The following NALF1 variants were observed in gnomAD, a reference collection of about 807,000 sequenced individuals.
The protein encoded by NALF1 is family with sequence similarity 155 member A.
A neutral mutation model predicts 48.4 loss-of-function variants in NALF1; 3 were observed. The ratio of observed to expected loss-of-function variants is 0.06; its 90% confidence interval spans 0.03 to 0.16. The LOEUF (loss-of-function observed/expected upper bound fraction) is 0.16. Among genes scored for constraint, NALF1 ranks in the 10% least tolerant of loss-of-function variants. The pLI, the probability that NALF1 is intolerant of heterozygous loss-of-function variation, is 1.00. For synonymous variants in NALF1, 262 were observed against 245.7 expected (o/e 1.07, Z -0.62); for missense variants, 526 against 571.5 (o/e 0.92, Z 0.81).
At chr13:107,694,840 T>G (rs1007877893) in intron 1 of NALF1, among the ~76,000 whole-genome samples, 1 of 151,952 alleles carries the variant, frequency 6.6e-6, no homozygotes. Flanking sequence ...TTGCCCAGGC[T>G]AGAATGCTGT....
chr13:107,413,636 T>G (rs1179428351), intron 1 of NALF1, among the ~76,000 whole-genome samples: 1 of 152,174 alleles, frequency 6.6e-6, no homozygotes, highest in Non-Finnish European at 1.5e-5. Context: ...TAATAATGTT[T>G]CCATTTGAGC....
At chr13:107,752,057 A>T (rs1470448756) in intron 1 of NALF1, among the ~76,000 whole-genome samples, 2 of 152,068 alleles carry the variant, frequency 1.3e-5, no homozygotes, top group Non-Finnish European at 2.9e-5. Context: ...GAATGATTGC[A>T]TCATTTTTAT....
At chr13:107,627,250 T>C (rs1879697785) in intron 1 of NALF1, among the ~76,000 whole-genome samples, 1 of 152,138 alleles carries the variant, frequency 6.6e-6, no homozygotes, top group African/African-American at 2.4e-5. Flanking sequence ...GAGTGTGATT[T>C]TGAAAAGAAA....
intron 1 of NALF1, among the ~76,000 whole-genome samples, chr13:107,858,866 T>G (rs1880500393): frequency 6.6e-6 from 1 of 152,230 alleles, no homozygotes. Flanking sequence ...TACCTGCTAT[T>G]AAAGATTGCT....
At chr13:107,569,046 T>C (rs1877900542) in intron 1 of NALF1, among the ~76,000 whole-genome samples, 1 of 152,222 alleles carries the variant, frequency 6.6e-6, no homozygotes. Flanking sequence ...CTAAAAGTTT[T>C]ATAGTTTTAT....
chr13:107,290,720 C>T (rs1881604340), intron 1 of NALF1, among the ~76,000 whole-genome samples: 1 of 152,130 alleles, frequency 6.6e-6, no homozygotes, highest in South Asian at 2.1e-4. Context: ...AGATGTATTT[C>T]TTGTATCATT....
chr13:107,594,466 A>G (rs1878687846), intron 1 of NALF1, among the ~76,000 whole-genome samples: 1 of 151,608 alleles, frequency 6.6e-6, no homozygotes, highest in African/African-American at 2.4e-5. Context: ...CTTTCCCCCA[A>G]TCCCCTGTGT....
rs532541220 is a variant in NALF1, at chr13:107,775,301, C to T, written c.915+90381G>A. On this transcript the variant is annotated intron_variant, in intron 1 of 2. Transcript: ENST00000375915. Reference sequence around the variant, plus strand: ...ATTCCCACCTATGAGTGAGAATATGCGGTGTTTGGTTTTTTGTTCTTGCGA... The same window carrying T: ...ATTCCCACCTATGAGTGAGAATATGTGGTGTTTGGTTTTTTGTTCTTGCGA... Among the ~76,000 whole-genome samples, 270 of 146,254 alleles carry T rather than the reference C, an allele frequency of 1.8e-3. 1 individual carries two copies. Among genetic ancestry groups the T allele is most frequent in the Middle Eastern group, 0.011 (3 of 280 alleles).
chr13:107,699,588 C>T (rs1297742629), intron 1 of NALF1, among the ~76,000 whole-genome samples: 2 of 151,958 alleles, frequency 1.3e-5, no homozygotes, highest in Admixed American at 6.6e-5. Context: ...AAGAAATATT[C>T]GGAAAATCTT....
At chr13:107,557,965 G>C (rs562384238) in intron 1 of NALF1, among the ~76,000 whole-genome samples, 1 of 152,136 alleles carries the variant, frequency 6.6e-6, no homozygotes, top group South Asian at 2.1e-4. Context: ...CTTGTGGGAT[G>C]TGTCACTGTT....
At chr13:107,758,694 C>T (rs1566471021) in intron 1 of NALF1, among the ~76,000 whole-genome samples, 1 of 151,926 alleles carries the variant, frequency 6.6e-6, no homozygotes, top group East Asian at 1.9e-4. Flanking sequence ...GCACTCCAGG[C>T]TGGTGACAGA....
chr13:107,332,842 GT>G (rs1218314761), intron 1 of NALF1, among the ~76,000 whole-genome samples: 3 of 151,866 alleles, frequency 2.0e-5, no homozygotes, highest in Non-Finnish European at 4.4e-5. Flanking sequence ...GTTTGTTTTT[GT>G]TTTTGTTTTT....
intron 1 of NALF1, among the ~76,000 whole-genome samples, chr13:107,473,121 T>C (rs908977528): frequency 1.6e-4 from 25 of 152,246 alleles, no homozygotes; most frequent in African/African-American, 5.3e-4. Context: ...TTGTGTTTAC[T>C]TTCACCTTAC....
rs1878673493 is a variant in NALF1, at chr13:107,166,990, C to T, written c.*3507G>A. On this transcript the variant is annotated 3_prime_UTR_variant, in exon 3 of 3. Coordinates refer to ENST00000375915, the MANE Select transcript of NALF1 (RefSeq NM_001080396.3). ...GGGGAAAAATACTATCTTTTTAATG[C>T]AAGAAAAGTTCAATATAACGTATCA... 1.3e-5 allele frequency: 2 copies of T among 152,074 alleles called. No individual in the cohort carries two copies. Among genetic ancestry groups the T allele is most frequent in the African/African-American group, 4.8e-5 (2 of 41,404 alleles). 9.4% of individuals were successfully genotyped at this position (152,074 alleles called of 1,614,324 possible).
chr13:107,214,843 C>G (rs776698433), intron 1 of NALF1, among the ~76,000 whole-genome samples: 4 of 152,196 alleles, frequency 2.6e-5, no homozygotes, highest in African/African-American at 4.8e-5. Context: ...AGCATTTTCT[C>G]TCTTGCTATC....
intron 2 of NALF1, among the ~76,000 whole-genome samples, chr13:107,209,798 G>A (rs550915499): frequency 3.9e-5 from 6 of 152,104 alleles, no homozygotes; most frequent in East Asian, 3.9e-4. Flanking sequence ...TTCCAGGGAC[G>A]CCTTATAGCA....
chr13:107,199,939 C>A (rs1273557631), intron 2 of NALF1, among the ~76,000 whole-genome samples: 2 of 152,136 alleles, frequency 1.3e-5, no homozygotes. Context: ...CTGAGTGACA[C>A]CTCCCACCAC....
intron 1 of NALF1, among the ~76,000 whole-genome samples, chr13:107,549,757 A>G (rs965148718): frequency 2.6e-5 from 4 of 152,164 alleles, no homozygotes; most frequent in Non-Finnish European, 5.9e-5. Flanking sequence ...AAAATCAGGA[A>G]ATGAATATTG....
chr13:107,338,935 A>T (rs1317105948), intron 1 of NALF1, among the ~76,000 whole-genome samples: 3 of 152,050 alleles, frequency 2.0e-5, no homozygotes. Context: ...GGTCGAGTCC[A>T]TCCTGGCTAA....
Sources: allele counts gnomAD v4.1 joint callset (sites outside exome capture counted in the v4.1 genomes callset), GRCh38; gene constraint gnomAD v4.1.1; transcripts MANE v1.5; gene names NCBI Gene and HGNC (gene_info 2026-07-23, HGNC 2026-07-21).